Variants in ADGRB3 observed in about 807,000 individuals in gnomAD.
ADGRB3 encodes adhesion G protein-coupled receptor B3, also known as brain-specific angiogenesis inhibitor 3.
ADGRB3 carries 37 observed loss-of-function variants against 193.4 expected under a neutral mutation model. That is an observed-to-expected ratio of 0.19 (90% CI 0.15 to 0.25). The LOEUF is 0.25. Among genes scored for constraint, ADGRB3 ranks in the 10% least tolerant of loss-of-function variants. The pLI is 1.00. For synonymous variants in ADGRB3, 690 were observed against 644.2 expected, an observed-to-expected ratio of 1.07 and a Z score of -1.08; for missense variants, 1,637 against 1,852.9, an observed-to-expected ratio of 0.88 and a Z score of 2.14.
At chr6:69,001,312 C>T (rs1769570055) in intron 11 of ADGRB3, among the ~76,000 whole-genome samples, 1 of 152,202 alleles carries the variant, frequency 6.6e-6, no homozygotes, top group Non-Finnish European at 1.5e-5. Context: ...TTCCACCATT[C>T]ATCCTACTTT....
At chr6:68,841,029 G>T (rs1164772231) in intron 3 of ADGRB3, among the ~76,000 whole-genome samples, 1 of 151,968 alleles carries the variant, frequency 6.6e-6, no homozygotes, top group Non-Finnish European at 1.5e-5. Context: ...ATGATAAAAG[G>T]GATAATTCAT....
At chr6:69,127,981 A>G (rs1773903434) in intron 17 of ADGRB3, among the ~76,000 whole-genome samples, 1 of 152,084 alleles carries the variant, frequency 6.6e-6, no homozygotes, top group African/African-American at 2.4e-5. Flanking sequence ...ACAAAGAGAC[A>G]CTAAAGCCAT....
chr6:69,303,203 T>A (rs1767984798), intron 20 of ADGRB3, among the ~76,000 whole-genome samples: 1 of 151,764 alleles, frequency 6.6e-6, no homozygotes, highest in South Asian at 2.1e-4. Flanking sequence ...ACAACATGGA[T>A]CCTTATATGA....
At chr6:68,884,316 C>T (rs1324951818) in intron 3 of ADGRB3, among the ~76,000 whole-genome samples, 3 of 152,062 alleles carry the variant, frequency 2.0e-5, no homozygotes, top group African/African-American at 7.2e-5. Context: ...GGGAGACAAA[C>T]ATTACATAAT....
chr6:68,887,077 A>G (rs527552147), intron 3 of ADGRB3, among the ~76,000 whole-genome samples: 2 of 152,068 alleles, frequency 1.3e-5, no homozygotes, highest in Non-Finnish European at 2.9e-5. Flanking sequence ...ATATACACAC[A>G]CACACACACA....
chr6:69,215,453 C>CGTGTGT (rs10651298), intron 17 of ADGRB3, among the ~76,000 whole-genome samples: 208 of 146,702 alleles, frequency 1.4e-3, no homozygotes, highest in African/African-American at 4.4e-3. Context: ...TGAACAGAAA[C>CGTGTGT]GTGTGTGTGT....
At chr6:68,859,406 T>C (rs1765085337) in intron 3 of ADGRB3, among the ~76,000 whole-genome samples, 1 of 152,192 alleles carries the variant, frequency 6.6e-6, no homozygotes, top group Admixed American at 6.5e-5. Context: ...TTGGGTATCT[T>C]TTCAGCAACA....
At chr6:68,902,679 AAG>A (rs1766430659) in intron 3 of ADGRB3, among the ~76,000 whole-genome samples, 1 of 152,152 alleles carries the variant, frequency 6.6e-6, no homozygotes, top group Admixed American at 6.5e-5. Flanking sequence ...CTAGCTATAA[AAG>A]TGAAAAAAAT....
At chr6:68,784,047 TC>T (rs974757102) in intron 3 of ADGRB3, among the ~76,000 whole-genome samples, 1 of 152,128 alleles carries the variant, frequency 6.6e-6, no homozygotes, top group African/African-American at 2.4e-5. Flanking sequence ...AGCCCTTTAT[TC>T]ATTTGGCTCA....
chr6:69,359,709 A>T (rs546119533), intron 28 of ADGRB3, among the ~76,000 whole-genome samples: 27 of 152,056 alleles, frequency 1.8e-4, no homozygotes, highest in African/African-American at 6.5e-4. Flanking sequence ...TTTTATGAGG[A>T]GACAATAAAC....
At chr6:68,735,407 A>G (rs1765852248) in intron 3 of ADGRB3, among the ~76,000 whole-genome samples, 1 of 152,052 alleles carries the variant, frequency 6.6e-6, no homozygotes, top group Admixed American at 6.6e-5. Context: ...AATTAGAATT[A>G]TATACTGTGT....
chr6:69,235,890 A>C (rs975133301), intron 19 of ADGRB3, among the ~76,000 whole-genome samples: 2 of 151,828 alleles, frequency 1.3e-5, no homozygotes, highest in Non-Finnish European at 2.9e-5. Context: ...AAAGTACTGG[A>C]TTTTTCTAGT....
intron 10 of ADGRB3, among the ~76,000 whole-genome samples, chr6:68,991,557 C>A (rs1769238358): frequency 6.7e-6 from 1 of 149,360 alleles, no homozygotes; most frequent in Non-Finnish European, 1.5e-5. Context: ...CCCCCGCCAT[C>A]CCCTCGCTCC....
chr6:69,245,646 T>C (rs1450866820), intron 20 of ADGRB3, among the ~76,000 whole-genome samples: 1 of 152,082 alleles, frequency 6.6e-6, no homozygotes, highest in African/African-American at 2.4e-5. Flanking sequence ...GCACTGTTCC[T>C]TCACCCCAAC....
At chr6:69,343,149 T>A (rs9294828) in intron 26 of ADGRB3, among the ~76,000 whole-genome samples, 4,932 of 146,210 alleles carry the variant, frequency 0.034, 272 homozygotes, top group African/African-American at 0.12. Context: ...TTATTTTTTT[T>A]ATTTTTTTTT....
intron 16 of ADGRB3, among the ~76,000 whole-genome samples, chr6:69,069,747 A>AAAAAAAAAAG: frequency 8.7e-6 from 1 of 115,458 alleles, no homozygotes; most frequent in Non-Finnish European, 1.8e-5. Flanking sequence ...AAAAAAAAAA[A>AAAAAAAAAAG]AAAGAAAGAA....
At chr6:68,806,632 T>C (rs1016527765) in intron 3 of ADGRB3, among the ~76,000 whole-genome samples, 1 of 151,694 alleles carries the variant, frequency 6.6e-6, no homozygotes, top group Non-Finnish European at 1.5e-5. Context: ...TATATAAATA[T>C]GTGAATATAA....
intron 3 of ADGRB3, among the ~76,000 whole-genome samples, chr6:68,759,924 A>G (rs1229163838): frequency 6.6e-6 from 1 of 152,130 alleles, no homozygotes; most frequent in African/African-American, 2.4e-5. Context: ...ATTTTTATTC[A>G]TTAAATAAAA....
Position 68,882,880 on chromosome 6 carries a change from A to T in ADGRB3, c.758-47679A>T, listed in dbSNP as rs12524234. The stretch of plus-strand genomic sequence containing the variant: ...AGTCCCATTTACTACCACTTCTATT[A>T]CTAGTTTTTTTTTTGTTTTGTTTTG... On this transcript the variant is annotated intron_variant, in intron 3 of 31. Coordinates refer to ENST00000370598, the MANE Select transcript of ADGRB3 (RefSeq NM_001704.3). 6.9e-3 allele frequency among the ~76,000 whole-genome samples: 1,037 copies of T among 150,006 alleles called. 16 individuals carry two copies. The highest frequency in any genetic ancestry group is 0.022 in the African/African-American group (923 of 41,344).
Sources: gnomAD v4.1 joint callset for allele counts (sites outside exome capture counted in the v4.1 genomes callset) on GRCh38, gnomAD v4.1.1 for gene constraint, MANE v1.5 for transcripts, NCBI Gene and HGNC (gene_info 2026-07-23, HGNC 2026-07-21) for gene names.